Variants in SLC25A21 observed in about 807,000 individuals in gnomAD.
The protein encoded by SLC25A21 is mitochondrial 2-oxodicarboxylate carrier.
SLC25A21 carries 47 observed loss-of-function variants against 43.8 expected under a neutral mutation model. That is an observed-to-expected ratio of 1.07 (90% CI 0.85 to 1.37). The LOEUF (loss-of-function observed/expected upper bound fraction) is 1.37. Among genes scored for constraint, SLC25A21 ranks in the 40% most tolerant of loss-of-function variants. The probability of loss-of-function intolerance (pLI) is 0.00; values close to 1 mark genes in which losing one functional copy is unlikely to be tolerated. For synonymous variants in SLC25A21, 131 were observed against 121.3 expected, an observed-to-expected ratio of 1.08 and a Z score of -0.52; for missense variants, 352 against 350.2, an observed-to-expected ratio of 1.00 and a Z score of -0.04.
intron 2 of SLC25A21, among the ~76,000 whole-genome samples, chr14:36,867,100 C>T (rs1312206093): frequency 3.3e-5 from 5 of 152,062 alleles, no homozygotes; most frequent in African/African-American, 2.4e-5. Context: ...TCAGCACCCT[C>T]GATCCCTCTC....
Position 36,679,331 on chromosome 14 carries a change from A to C in SLC25A21, c.*1327T>G. The C allele has an allele frequency of 1.0e-6, 1 of 969,560 alleles. No individual in the cohort carries two copies. The highest frequency in any genetic ancestry group is 1.2e-6 in the Non-Finnish European group (1 of 815,594). The allele number at this position is 969,560 out of a possible 1,614,324, so 60.1% of individuals were successfully genotyped here. A position where few individuals can be genotyped will look rare whatever the true frequency, so the allele number is the denominator to read the frequency against. ...CAAAAGCCTTTTATTTTTATACTTC[A>C]AATGCTCTAAATTAATAAAAAGTAA... On this transcript the variant is annotated 3_prime_UTR_variant, in exon 10 of 10. Transcript: ENST00000331299.
intron 1 of SLC25A21, among the ~76,000 whole-genome samples, chr14:36,928,561 C>T (rs1892195826): frequency 6.6e-6 from 1 of 152,088 alleles, no homozygotes. Context: ...ATCCACAATG[C>T]ATGCACACTT....
At position 36,887,451 on chromosome 14, in the gene SLC25A21, T is replaced by C. The variant is rs577981275; in HGVS notation, c.71-12447A>G. On this transcript the variant is annotated intron_variant, in intron 1 of 9. Transcript: ENST00000331299. ...GGTGGTGCACACCTGTAATCCTAGC[T>C]ACTTGAGCAGCTGAAGCAGGAGAAT... Among the ~76,000 whole-genome samples, 6 of 151,408 alleles carry C rather than the reference T, an allele frequency of 4.0e-5. No homozygotes were observed. The East Asian group carries it at 1.2e-3, about 30-fold the overall frequency.
chr14:37,157,257 A>T (rs1318376343), intron 1 of SLC25A21, among the ~76,000 whole-genome samples: 1 of 152,124 alleles, frequency 6.6e-6, no homozygotes, highest in Non-Finnish European at 1.5e-5. Context: ...GCTTCTTGGG[A>T]GGCTGAGGCA....
chr14:36,949,574 C>A (rs1340431580), intron 1 of SLC25A21, among the ~76,000 whole-genome samples: 1 of 152,198 alleles, frequency 6.6e-6, no homozygotes, highest in Non-Finnish European at 1.5e-5. Context: ...GCTGCCTGGC[C>A]CCATGCCTAC....
chr14:37,114,397 G>A (rs916053896), intron 1 of SLC25A21, among the ~76,000 whole-genome samples: 1 of 152,104 alleles, frequency 6.6e-6, no homozygotes, highest in Non-Finnish European at 1.5e-5. Flanking sequence ...TTTAAGAGAT[G>A]GAAGCAATTA....
At chr14:37,046,317 A>G (rs1295868141) in intron 1 of SLC25A21, among the ~76,000 whole-genome samples, 2 of 152,172 alleles carry the variant, frequency 1.3e-5, no homozygotes, top group Admixed American at 6.5e-5. Context: ...CAGATTAAGT[A>G]GGTCTGCTCT....
intron 1 of SLC25A21, among the ~76,000 whole-genome samples, chr14:37,086,697 A>C (rs1962493358): frequency 3.9e-5 from 6 of 152,186 alleles, no homozygotes; most frequent in Non-Finnish European, 8.8e-5. Flanking sequence ...GGATAATAAT[A>C]GTACCCACAT....
intron 1 of SLC25A21, among the ~76,000 whole-genome samples, chr14:37,073,128 A>G (rs969926317): frequency 2.6e-5 from 4 of 152,254 alleles, no homozygotes; most frequent in Non-Finnish European, 4.4e-5. Flanking sequence ...TCTCAAAAAC[A>G]GAAGATGACA....
Position 36,829,005 on chromosome 14 carries a change from G to A in SLC25A21, c.120-15004C>T, listed in dbSNP as rs546001651. Among the ~76,000 whole-genome samples, 5 of 152,166 alleles carry A rather than the reference G, an allele frequency of 3.3e-5. No individual in the cohort carries two copies. In the South Asian group the frequency reaches 6.2e-4, roughly 19 times the overall value. On this transcript the variant is annotated intron_variant, in intron 2 of 9. Coordinates refer to ENST00000331299, the MANE Select transcript of SLC25A21 (RefSeq NM_030631.4). ...CAACCTCCACCTCATGGGCTCAAAC[G>A]ATTCTCATGCTTCATCTGCCTGAGT...
intron 1 of SLC25A21, among the ~76,000 whole-genome samples, chr14:36,917,338 C>T (rs1345216485): frequency 6.6e-6 from 1 of 152,088 alleles, no homozygotes; most frequent in Non-Finnish European, 1.5e-5. Context: ...TGACCCTGGC[C>T]CTCTGGACAA....
At chr14:37,071,583 A>T (rs1407937636) in intron 1 of SLC25A21, among the ~76,000 whole-genome samples, 1 of 152,240 alleles carries the variant, frequency 6.6e-6, no homozygotes, top group Admixed American at 6.5e-5. Context: ...TAGTTGAAAA[A>T]TAAGACAAAA....
At chr14:36,689,863 C>A (rs1247113214) in intron 7 of SLC25A21, among the ~76,000 whole-genome samples, 1 of 152,168 alleles carries the variant, frequency 6.6e-6, no homozygotes, top group African/African-American at 2.4e-5. Context: ...GATCATTCAC[C>A]CTCTTTGGAT....
intron 7 of SLC25A21, among the ~76,000 whole-genome samples, chr14:36,704,680 A>G (rs1883430559): frequency 6.6e-6 from 1 of 151,160 alleles, no homozygotes; most frequent in African/African-American, 2.4e-5. Flanking sequence ...AACAAAAAAG[A>G]GAAAACAAAA....
chr14:37,069,467 C>T (rs1489837804), intron 1 of SLC25A21, among the ~76,000 whole-genome samples: 1 of 152,050 alleles, frequency 6.6e-6, no homozygotes, highest in African/African-American at 2.4e-5. Context: ...TAAAAACATG[C>T]CAGCATATTG....
chr14:36,904,304 T>C lies in SLC25A21; in HGVS notation c.71-29300A>G, dbSNP rs141874183. Among the ~76,000 whole-genome samples, 1,097 of 152,306 alleles carry C rather than the reference T, an allele frequency of 7.2e-3. 9 individuals are homozygous for C. The highest frequency in any genetic ancestry group is 0.04 in the South Asian group (192 of 4,826). ...AATAAATCAGCAACTCAAAGGGCCATCTAGTTTTGTCTTGAGCAAAAATGC... is the reference window on the plus strand; with the variant it reads ...AATAAATCAGCAACTCAAAGGGCCACCTAGTTTTGTCTTGAGCAAAAATGC... On this transcript the variant is annotated intron_variant, in intron 1 of 9. Coordinates refer to ENST00000331299, the MANE Select transcript of SLC25A21 (RefSeq NM_030631.4).
At chr14:36,780,645 C>T (rs1035678269) in intron 3 of SLC25A21, among the ~76,000 whole-genome samples, 2 of 152,010 alleles carry the variant, frequency 1.3e-5, no homozygotes, top group African/African-American at 4.8e-5. Flanking sequence ...GGTTTTCCTC[C>T]TGTTAATGAC....
At chr14:37,092,453 G>A (rs1217163404) in intron 1 of SLC25A21, among the ~76,000 whole-genome samples, 2 of 152,068 alleles carry the variant, frequency 1.3e-5, no homozygotes, top group Non-Finnish European at 2.9e-5. Flanking sequence ...ACCTACCTAG[G>A]CTTCTGATTT....
intron 3 of SLC25A21, among the ~76,000 whole-genome samples, chr14:36,771,199 T>C (rs1886605467): frequency 6.6e-6 from 1 of 152,246 alleles, no homozygotes; most frequent in Non-Finnish European, 1.5e-5. Context: ...TTTAAAGAAT[T>C]ATTGCCTAAT....
Sources: allele counts gnomAD v4.1 joint callset (sites outside exome capture counted in the v4.1 genomes callset), GRCh38; gene constraint gnomAD v4.1.1; transcripts MANE v1.5; gene names NCBI Gene and HGNC (gene_info 2026-07-23, HGNC 2026-07-21).